ADAM12: variants seen among roughly 807,000 people sequenced by gnomAD.
The protein encoded by ADAM12 is disintegrin and metalloproteinase domain-containing protein 12.
In ADAM12, 70 loss-of-function variants were observed where a neutral mutation model predicts 106.4. The observed-to-expected ratio is 0.66, with a 90% CI of 0.54 to 0.80. ADAM12 has a LOEUF of 0.80. Ranked by LOEUF, ADAM12 falls within the 30% of genes least tolerant of loss-of-function variation. The probability of loss-of-function intolerance (pLI) is 0.00; values close to 1 mark genes in which losing one functional copy is unlikely to be tolerated. For missense variants in ADAM12, 1,010 were observed against 1,171.9 expected (o/e 0.86, Z 2.02); for synonymous variants, 420 against 433.5 (o/e 0.97, Z 0.39).
chr10:126,038,952 C>CTTTTTTTTTTTTTTTTTT (rs34277276), intron 19 of ADAM12, among the ~76,000 whole-genome samples: 2 of 71,542 alleles, frequency 2.8e-5, no homozygotes, highest in Non-Finnish European at 5.0e-5. Flanking sequence ...GACACCATTT[C>CTTTTTTTTTTTTTTTTTT]TTTTTTTTTT....
intron 3 of ADAM12, among the ~76,000 whole-genome samples, chr10:126,204,693 C>CA (rs1957764725): frequency 6.6e-6 from 1 of 152,204 alleles, no homozygotes; most frequent in African/African-American, 2.4e-5. Flanking sequence ...TTAAACCAAC[C>CA]ATGGGCCCTT....
intron 3 of ADAM12, among the ~76,000 whole-genome samples, chr10:126,217,181 A>G (rs1357746461): frequency 6.6e-6 from 1 of 152,212 alleles, no homozygotes; most frequent in African/African-American, 2.4e-5. Context: ...AAGGCTAACC[A>G]TTAGTTACCT....
At chr10:126,121,399 T>C (rs188876851) in intron 5 of ADAM12, among the ~76,000 whole-genome samples, 1,754 of 127,570 alleles carry the variant, frequency 0.014, 42 homozygotes, top group African/African-American at 0.049. Flanking sequence ...CAATATATAA[T>C]ATATTGCATA....
chr10:126,186,204 A>G (rs1590582854), intron 3 of ADAM12, among the ~76,000 whole-genome samples: 1 of 152,198 alleles, frequency 6.6e-6, no homozygotes, highest in South Asian at 2.1e-4. Context: ...GTGTTCAGTC[A>G]CTAGGCTTAC....
chr10:126,117,896 C>G (rs1210173900), intron 6 of ADAM12, 142 bp downstream of exon 6: 8 of 847,722 alleles, frequency 9.4e-6, no homozygotes, highest in Admixed American at 2.2e-5. Context: ...TAATGTCTAC[C>G]ACCTCCAGAT....
intron 2 of ADAM12, among the ~76,000 whole-genome samples, chr10:126,286,455 G>C (rs1388429572): frequency 2.0e-5 from 3 of 152,058 alleles, no homozygotes; most frequent in Non-Finnish European, 4.4e-5. Context: ...TTTTCAAGAA[G>C]AACAACAAAA....
chr10:126,201,801 C>A (rs190618726), intron 3 of ADAM12, among the ~76,000 whole-genome samples: 1 of 152,120 alleles, frequency 6.6e-6, no homozygotes, highest in East Asian at 1.9e-4. Flanking sequence ...CCCAGAGAAC[C>A]GAGGTGCTCC....
chr10:126,045,972 G>C, intron 17 of ADAM12, 83 bp downstream of exon 17: 1 of 1,256,666 alleles, frequency 8.0e-7, no homozygotes, highest in African/African-American at 1.5e-5. Flanking sequence ...AAATGCTATG[G>C]ATTGCAAAAC....
intron 6 of ADAM12, among the ~76,000 whole-genome samples, chr10:126,115,312 G>C (rs150448104): frequency 6.6e-6 from 1 of 152,322 alleles, no homozygotes; most frequent in African/African-American, 2.4e-5. Flanking sequence ...CTTGCTCAGA[G>C]CTTGCTTAGG....
At chr10:126,384,262 G>A (rs1315834538) in intron 1 of ADAM12, among the ~76,000 whole-genome samples, 1 of 152,174 alleles carries the variant, frequency 6.6e-6, no homozygotes, top group Non-Finnish European at 1.5e-5. Context: ...ATACGAGCTT[G>A]TAAAAATTGC....
intron 3 of ADAM12, among the ~76,000 whole-genome samples, chr10:126,169,391 C>T (rs953204565): frequency 6.6e-6 from 1 of 152,136 alleles, no homozygotes; most frequent in Non-Finnish European, 1.5e-5. Context: ...GGTATGTTTC[C>T]CCCATTAGGG....
chr10:126,142,094 T>G (rs1049535641), intron 4 of ADAM12, among the ~76,000 whole-genome samples: 1 of 152,178 alleles, frequency 6.6e-6, no homozygotes, highest in Non-Finnish European at 1.5e-5. Flanking sequence ...CATACCTGGC[T>G]GTCAGAAACA....
Position 126,388,197 on chromosome 10 carries a change from C to G in ADAM12, c.-52G>C. The stretch of plus-strand genomic sequence containing the variant: ...CTCGGGCCCGGCGGCGAGCGCTGCA[C>G]CATCCCACGCGGGCGCCGAGCCGGG... On this transcript the variant is annotated 5_prime_UTR_variant, in exon 1 of 23. Coordinates refer to ENST00000448723, the MANE Select transcript of ADAM12 (RefSeq NM_001288973.2). The surrounding 1 kb of genome is among the most constrained non-coding windows in gnomAD (Gnocchi z 4.4). The G allele has an allele frequency of 1.7e-6, 2 of 1,199,570 alleles. No individual in the cohort carries two copies. The highest frequency in any genetic ancestry group is 1.0e-6 in the Non-Finnish European group (1 of 967,010). The allele number at this position is 1,199,570 out of a possible 1,614,324, so 74.3% of individuals were successfully genotyped here.
chr10:126,091,729 C>T (rs1428057161), intron 11 of ADAM12, among the ~76,000 whole-genome samples: 1 of 152,120 alleles, frequency 6.6e-6, no homozygotes, highest in Non-Finnish European at 1.5e-5. Context: ...TGAAGACTTT[C>T]CAATTGGAAA....
chr10:126,220,467 T>C (rs1305710876), intron 3 of ADAM12, among the ~76,000 whole-genome samples: 1 of 152,166 alleles, frequency 6.6e-6, no homozygotes, highest in Non-Finnish European at 1.5e-5. Flanking sequence ...CTAGTTAAAT[T>C]TGAATTTCAA....
At chr10:126,200,431 A>G (rs1406453184) in intron 3 of ADAM12, among the ~76,000 whole-genome samples, 1 of 152,162 alleles carries the variant, frequency 6.6e-6, no homozygotes, top group East Asian at 1.9e-4. Context: ...TAAAAGCAGG[A>G]GCATTTGGAG....
At chr10:126,045,994 G>T in intron 17 of ADAM12, 61 bp downstream of exon 17, 1 of 1,435,828 alleles carries the variant, frequency 7.0e-7, no homozygotes, top group Non-Finnish European at 9.8e-7. Context: ...TTTTACAAAT[G>T]AATGTATTAT....
chr10:126,071,637 A>G lies in ADAM12; in HGVS notation c.1163T>C (p.Val388Ala). 3 of 1,614,018 alleles carry G rather than the reference A, an allele frequency of 1.9e-6. No homozygotes were observed. Among genetic ancestry groups the G allele is most frequent in the Non-Finnish European group, 1.7e-6 (2 of 1,179,974 alleles). ...GTCCTTCCTGCTGCAACTGCTGAAC[A>G]CCATGGGAAATGGGTACCTGAGAAA... is the stretch of plus-strand genomic sequence containing the variant. The part of the protein sequence containing the change: ...NASTGYPFPM[V>A]FSSCSRKDLE... Residue 388 changes from valine to alanine, a missense_variant, in exon 12 of 23, where the codon GTG becomes GCG. Physicochemically the swap from Val to Ala is moderately conservative, Grantham distance 64. Transcript: ENST00000448723.
chr10:126,117,119 A>T (rs1477739185), intron 6 of ADAM12, among the ~76,000 whole-genome samples: 1 of 152,238 alleles, frequency 6.6e-6, no homozygotes, highest in Non-Finnish European at 1.5e-5. Context: ...AATTGTTGAT[A>T]ATTTCCTATC....
Sources: allele counts gnomAD v4.1 joint callset (sites outside exome capture counted in the v4.1 genomes callset), GRCh38; gene constraint gnomAD v4.1.1; non-coding constraint Gnocchi (gnomAD v3.1); transcripts MANE v1.5; gene names NCBI Gene and HGNC (gene_info 2026-07-23, HGNC 2026-07-21).